Variants in NCKAP5 observed in about 807,000 individuals in gnomAD.
The protein encoded by NCKAP5 is nck-associated protein 5.
Under a neutral mutation model 167.0 loss-of-function variants are expected in NCKAP5, and 92 were observed. The observed-to-expected ratio is 0.55, with a 90% CI of 0.47 to 0.66. The LOEUF is 0.66. NCKAP5 is among the 30% of genes least tolerant of loss of function. The pLI is 0.00. For synonymous variants in NCKAP5, 891 were observed against 877.4 expected, an observed-to-expected ratio of 1.02 and a Z score of -0.27; for missense variants, 2,378 against 2,315.0, an observed-to-expected ratio of 1.03 and a Z score of -0.56.
chr2:133,571,123 A>C (rs1688850818), upstream of NCKAP5, among the ~76,000 whole-genome samples: 1 of 152,158 alleles, frequency 6.6e-6, no homozygotes, highest in Admixed American at 6.5e-5. Context: ...TTCTTGTCTT[A>C]CTTCATAGTG....
At chr2:132,961,892 C>G (rs1471252882) in intron 8 of NCKAP5, among the ~76,000 whole-genome samples, 1 of 152,100 alleles carries the variant, frequency 6.6e-6, no homozygotes, top group Non-Finnish European at 1.5e-5. Flanking sequence ...TTAATTCAAC[C>G]TCAAGATAAA....
chr2:133,547,993 G>T, intron 2 of NCKAP5, among the ~76,000 whole-genome samples: 1 of 147,212 alleles, frequency 6.8e-6, no homozygotes, highest in Non-Finnish European at 1.5e-5. Context: ...AAATTTAGAA[G>T]AATGTATGAC....
chr2:133,304,024 G>A (rs991897703), intron 3 of NCKAP5, among the ~76,000 whole-genome samples: 1 of 152,098 alleles, frequency 6.6e-6, no homozygotes, highest in Non-Finnish European at 1.5e-5. Flanking sequence ...GCCGTCGATG[G>A]AACAGTATTC....
chr2:133,461,799 G>A (rs140380551), intron 3 of NCKAP5, among the ~76,000 whole-genome samples: 1 of 152,274 alleles, frequency 6.6e-6, no homozygotes, highest in African/African-American at 2.4e-5. Flanking sequence ...TACTACCGTG[G>A]AGTAGGTTAA....
the NCKAP5 span, among the ~76,000 whole-genome samples, chr2:133,574,605 T>G: frequency 1.8e-3 from 89 of 50,596 alleles, 1 homozygote; most frequent in African/African-American, 5.2e-3. Flanking sequence ...CTTCTTTCCT[T>G]TTTTTTTTTT....
chr2:132,873,697 A>C (rs1389190280), intron 9 of NCKAP5, among the ~76,000 whole-genome samples: 1 of 152,216 alleles, frequency 6.6e-6, no homozygotes, highest in Non-Finnish European at 1.5e-5. Context: ...AATTCAAATC[A>C]GACTATTTGA....
chr2:133,390,241 A>G (rs1687299618), intron 3 of NCKAP5, among the ~76,000 whole-genome samples: 1 of 152,172 alleles, frequency 6.6e-6, no homozygotes, highest in Non-Finnish European at 1.5e-5. Context: ...TTCAGGCCCT[A>G]AGACAAGAAA....
chr2:133,007,871 A>G (rs1026718403), intron 6 of NCKAP5, among the ~76,000 whole-genome samples: 6 of 152,198 alleles, frequency 3.9e-5, no homozygotes, highest in African/African-American at 1.4e-4. Flanking sequence ...ATGGATTTTC[A>G]CTGCCTCATT....
At chr2:132,813,711 C>G (rs1686056205) in intron 11 of NCKAP5, among the ~76,000 whole-genome samples, 1 of 152,136 alleles carries the variant, frequency 6.6e-6, no homozygotes, top group African/African-American at 2.4e-5. Flanking sequence ...TAAAATCAAA[C>G]TATTATCACT....
chr2:133,153,893 C>T (rs369769418), intron 5 of NCKAP5, among the ~76,000 whole-genome samples: 29 of 133,872 alleles, frequency 2.2e-4, no homozygotes, highest in African/African-American at 7.7e-4. Flanking sequence ...TGGAGCGTAA[C>T]GGCGCAATCT....
chr2:132,717,277 G>T (rs1204419213), intron 19 of NCKAP5, among the ~76,000 whole-genome samples: 5 of 152,236 alleles, frequency 3.3e-5, no homozygotes, highest in African/African-American at 1.2e-4. Context: ...AAAGAGAGAA[G>T]TTCCAGGAAG....
chr2:133,118,418 T>A (rs1389463708), intron 6 of NCKAP5: 3 of 152,204 alleles, frequency 2.0e-5, no homozygotes, highest in Non-Finnish European at 4.4e-5. Flanking sequence ...AATCTCAATA[T>A]GATGGACCAG....
chr2:132,859,124 C>T (rs1689696299), intron 11 of NCKAP5, among the ~76,000 whole-genome samples: 1 of 152,116 alleles, frequency 6.6e-6, no homozygotes, highest in Non-Finnish European at 1.5e-5. Flanking sequence ...TTCGCTCCCA[C>T]CCCACAAAAT....
the NCKAP5 span, among the ~76,000 whole-genome samples, chr2:133,617,721 A>G: frequency 6.6e-6 from 1 of 151,848 alleles, no homozygotes; most frequent in Non-Finnish European, 1.5e-5. Context: ...GAAAATGGCC[A>G]TACTGCCCAA....
At chr2:132,708,066 G>A (rs1688524716) in intron 19 of NCKAP5, among the ~76,000 whole-genome samples, 1 of 152,150 alleles carries the variant, frequency 6.6e-6, no homozygotes, top group African/African-American at 2.4e-5. Context: ...TACCCAGGCA[G>A]TACTTGCCAT....
At chr2:133,218,998 A>G (rs2086547546) in intron 4 of NCKAP5, among the ~76,000 whole-genome samples, 1 of 152,266 alleles carries the variant, frequency 6.6e-6, no homozygotes, top group South Asian at 2.1e-4. Context: ...ATTCTTTGGC[A>G]TTCAATAAAG....
the NCKAP5 span, among the ~76,000 whole-genome samples, chr2:133,600,007 G>A: frequency 1.2e-3 from 184 of 152,314 alleles, no homozygotes; most frequent in African/African-American, 4.2e-3. Context: ...AACTTCTGTC[G>A]GCTCCCCTGG....
intron 4 of NCKAP5, among the ~76,000 whole-genome samples, chr2:133,285,660 C>T (rs1235482613): frequency 6.6e-6 from 1 of 152,152 alleles, no homozygotes; most frequent in Non-Finnish European, 1.5e-5. Flanking sequence ...CACGTATCAC[C>T]ATCACGATAC....
chr2:133,430,207 C>T (rs1338097569), intron 3 of NCKAP5, among the ~76,000 whole-genome samples: 1 of 151,744 alleles, frequency 6.6e-6, no homozygotes, highest in African/African-American at 2.4e-5. Context: ...TTATCTTTGC[C>T]CACTTTTTAA....
Sources: allele counts gnomAD v4.1 joint callset (sites outside exome capture counted in the v4.1 genomes callset), GRCh38; gene constraint gnomAD v4.1.1; transcripts MANE v1.5; gene names NCBI Gene and HGNC (gene_info 2026-07-23, HGNC 2026-07-21).